Variants in ZRANB3 observed in about 807,000 individuals in gnomAD.
ZRANB3 encodes the protein DNA annealing helicase and endonuclease ZRANB3.
Under a neutral mutation model 133.8 loss-of-function variants are expected in ZRANB3, and 125 were observed. That is an observed-to-expected ratio of 0.93 (90% CI 0.81 to 1.08). The LOEUF (loss-of-function observed/expected upper bound fraction) is 1.08. ZRANB3 is among the 50% of genes least tolerant of loss of function. ZRANB3 has a pLI of 0.00. For synonymous variants in ZRANB3, 387 were observed against 432.7 expected (o/e 0.89, Z 1.31); for missense variants, 1,229 against 1,275.5 (o/e 0.96, Z 0.56).
intron 2 of ZRANB3, among the ~76,000 whole-genome samples, chr2:135,474,154 G>T (rs1691399575): frequency 6.6e-6 from 1 of 152,058 alleles, no homozygotes; most frequent in Non-Finnish European, 1.5e-5. Context: ...TAGCACCCCT[G>T]CACTCTGGCC....
At chr2:135,283,020 CAT>C (rs1169877009) in intron 8 of ZRANB3, among the ~76,000 whole-genome samples, 3 of 152,198 alleles carry the variant, frequency 2.0e-5, no homozygotes, top group African/African-American at 7.2e-5. Context: ...CACAGCGACA[CAT>C]GTTTATAATC....
intron 2 of ZRANB3, among the ~76,000 whole-genome samples, chr2:135,460,205 A>G (rs1379245124): frequency 6.6e-6 from 1 of 151,910 alleles, no homozygotes; most frequent in Non-Finnish European, 1.5e-5. Flanking sequence ...TCCAATGGTG[A>G]CTTTTAGTTT....
At chr2:135,297,569 G>A (rs4954234) in intron 8 of ZRANB3, among the ~76,000 whole-genome samples, 15,886 of 152,180 alleles carry the variant, frequency 0.1, 1,092 homozygotes, top group South Asian at 0.32. Flanking sequence ...TGCACCGTGC[G>A]CTGCACCCAC....
chr2:135,462,574 C>T (rs1000653490), intron 2 of ZRANB3, among the ~76,000 whole-genome samples: 7 of 150,166 alleles, frequency 4.7e-5, no homozygotes, highest in Non-Finnish European at 1.0e-4. Context: ...TTCCTTCCTT[C>T]CTCCCTCCCT....
At chr2:135,295,366 T>G (rs200956785) in intron 8 of ZRANB3, among the ~76,000 whole-genome samples, 28,794 of 151,866 alleles carry the variant, frequency 0.19, 3,621 homozygotes, top group African/African-American at 0.33. Context: ...TTTGTTGGTT[T>G]AAAGTCTGTT....
At chr2:135,379,219 A>G (rs1196026157) in intron 3 of ZRANB3, among the ~76,000 whole-genome samples, 1 of 152,224 alleles carries the variant, frequency 6.6e-6, no homozygotes, top group Non-Finnish European at 1.5e-5. Flanking sequence ...CAAAAATAAT[A>G]AAGTTGGACT....
At chr2:135,326,857 G>A (rs1030189625) in intron 6 of ZRANB3, among the ~76,000 whole-genome samples, 9 of 130,318 alleles carry the variant, frequency 6.9e-5, no homozygotes, top group African/African-American at 2.7e-4. Flanking sequence ...CAGAGATCAC[G>A]CCACTGCACT....
At chr2:135,459,502 A>T (rs1163762901) in intron 2 of ZRANB3, among the ~76,000 whole-genome samples, 1 of 152,226 alleles carries the variant, frequency 6.6e-6, no homozygotes, top group Admixed American at 6.5e-5. Flanking sequence ...ATTCTGTCAA[A>T]GAAAGACCCT....
chr2:135,460,487 G>A (rs890349133), intron 2 of ZRANB3, among the ~76,000 whole-genome samples: 6 of 151,892 alleles, frequency 4.0e-5, no homozygotes, highest in African/African-American at 7.3e-5. Context: ...GGCTGGTATC[G>A]AACTCTTGAC....
intron 2 of ZRANB3, among the ~76,000 whole-genome samples, chr2:135,403,314 C>T (rs1029887934): frequency 2.0e-5 from 3 of 152,236 alleles, no homozygotes; most frequent in African/African-American, 7.2e-5. Context: ...ATATCCCGCA[C>T]CTGGCTCGGA....
At chr2:135,341,674 T>A (rs1195820827) in intron 6 of ZRANB3, among the ~76,000 whole-genome samples, 3 of 149,878 alleles carry the variant, frequency 2.0e-5, no homozygotes, top group Non-Finnish European at 4.4e-5. Flanking sequence ...GCTGAATTCT[T>A]TCCCCAGTAA....
intron 6 of ZRANB3, among the ~76,000 whole-genome samples, chr2:135,331,872 T>C (rs1020998205): frequency 1.3e-4 from 19 of 151,254 alleles, no homozygotes. Context: ...AGGAGACTTT[T>C]ACTTTTTTAA....
chr2:135,395,747 G>A (rs948285081), intron 2 of ZRANB3, among the ~76,000 whole-genome samples: 8 of 152,012 alleles, frequency 5.3e-5, no homozygotes, highest in African/African-American at 4.8e-5. Context: ...GGTGAACCAC[G>A]GTGCCTGGCT....
At position 135,353,582 on chromosome 2, in the gene ZRANB3, T is replaced by C. The variant is rs1279288144; in HGVS notation, c.227A>G (p.Tyr76Cys). 33 of 1,599,518 alleles carry C rather than the reference T, an allele frequency of 2.1e-5. No homozygotes were observed. The highest frequency in any genetic ancestry group is 3.4e-5 in the Admixed American group (2 of 58,554). The change falls in exon 4 of 21, where the codon TAT (tyrosine) becomes TGT (cysteine). Residue 76 changes from tyrosine to cysteine, a missense_variant. Tyr to Cys is a radical substitution (Grantham distance 194). Transcript: ENST00000264159. Reference protein sequence around the residue: ...TIQAIGITYFYKEEWPLLIVV... With the variant: ...TIQAIGITYFCKEEWPLLIVV... ...TATTAACAGAGGCCATTCCTCTTTATAGAAGTAAGTAATTCCAATTGCCTG... is the reference window on the plus strand; with the variant it reads ...TATTAACAGAGGCCATTCCTCTTTACAGAAGTAAGTAATTCCAATTGCCTG...
chr2:135,510,514 G>A (rs1574229679), intron 1 of ZRANB3: 1 of 611,258 alleles, frequency 1.6e-6, no homozygotes, highest in East Asian at 3.0e-5. Context: ...AGGAGCTAGG[G>A]TTTGTATGGC....
At chr2:135,364,916 G>GCA in intron 3 of ZRANB3, among the ~76,000 whole-genome samples, 1 of 152,052 alleles carries the variant, frequency 6.6e-6, no homozygotes, top group East Asian at 1.9e-4. Flanking sequence ...GGGCGTGGTG[G>GCA]CACACACCTG....
chr2:135,267,484 G>A (rs1444673731), intron 11 of ZRANB3, among the ~76,000 whole-genome samples: 3 of 151,984 alleles, frequency 2.0e-5, no homozygotes, highest in Admixed American at 2.0e-4. Context: ...GGGAAAGAAG[G>A]TCAATCATCT....
intron 2 of ZRANB3, among the ~76,000 whole-genome samples, chr2:135,487,518 CTGT>C (rs1692177227): frequency 6.6e-6 from 1 of 152,336 alleles, no homozygotes; most frequent in Admixed American, 6.5e-5. Context: ...CATTCAAAAT[CTGT>C]TGTTTAGTGT....
chr2:135,463,422 G>C (rs1054858149), intron 2 of ZRANB3, among the ~76,000 whole-genome samples: 1 of 144,496 alleles, frequency 6.9e-6, no homozygotes, highest in Admixed American at 6.9e-5. Context: ...GGAATATGTT[G>C]TTTTTTTTTT....
Sources: allele counts gnomAD v4.1 joint callset (sites outside exome capture counted in the v4.1 genomes callset), GRCh38; gene constraint gnomAD v4.1.1; transcripts MANE v1.5; gene names NCBI Gene and HGNC (gene_info 2026-07-23, HGNC 2026-07-21).